Variants in SUCLG2 observed in about 807,000 individuals in gnomAD.
SUCLG2 encodes the protein succinate-CoA ligase GDP-forming subunit beta, also known as succinate--CoA ligase [GDP-forming] subunit beta, mitochondrial.
Under a neutral mutation model 47.9 loss-of-function variants are expected in SUCLG2, and 42 were observed. That is an observed-to-expected ratio of 0.88 (90% CI 0.69 to 1.14). SUCLG2 has a LOEUF of 1.14. SUCLG2 is among the 50% of genes most tolerant of loss of function. The pLI is 0.00. For missense variants in SUCLG2, 571 were observed against 525.9 expected (o/e 1.09, Z -0.84); for synonymous variants, 195 against 197.3 (o/e 0.99, Z 0.10).
intron 9 of SUCLG2, among the ~76,000 whole-genome samples, chr3:67,458,608 C>T (rs1704247333): frequency 6.6e-6 from 1 of 152,068 alleles, no homozygotes; most frequent in African/African-American, 2.4e-5. Flanking sequence ...GTAGCCGGTG[C>T]TTATTGTTTA....
chr3:67,608,625 C>T (rs1229660078), intron 2 of SUCLG2, among the ~76,000 whole-genome samples: 1 of 151,904 alleles, frequency 6.6e-6, no homozygotes, highest in Non-Finnish European at 1.5e-5. Flanking sequence ...TCTGAGGATA[C>T]ACCCTCCCTA....
chr3:67,654,506 G>A lies in SUCLG2; in HGVS notation c.81C>T (p.Ser27=). The A allele has an allele frequency of 8.1e-7, 1 of 1,240,120 alleles. No individual in the cohort carries two copies. The allele number at this position is 1,240,120 out of a possible 1,614,324, so 76.8% of individuals were successfully genotyped here. A position where few individuals can be genotyped will look rare whatever the true frequency, so the allele number is the denominator to read the frequency against. ...ALRPRFLAAG[S]QAVQLTSRRW... Reference sequence around the variant, plus strand: ...CAGCTCCTGCCCCCACGCTCACCTGGGACCCGGCCGCCAGGAAGCGGGGCC... The same window carrying A: ...CAGCTCCTGCCCCCACGCTCACCTGAGACCCGGCCGCCAGGAAGCGGGGCC... Residue 27 remains serine, a synonymous_variant, in exon 1 of 11, where the codon TCC becomes TCT. Transcript: ENST00000307227.
chr3:67,418,498 T>G (rs1300375707), intron 9 of SUCLG2, among the ~76,000 whole-genome samples: 2 of 152,186 alleles, frequency 1.3e-5, no homozygotes, highest in African/African-American at 4.8e-5. Flanking sequence ...ACTAAGCTGT[T>G]CTGGTGAACA....
intron 2 of SUCLG2, among the ~76,000 whole-genome samples, chr3:67,598,785 A>G (rs1202942837): frequency 6.6e-6 from 1 of 152,232 alleles, no homozygotes; most frequent in Non-Finnish European, 1.5e-5. Flanking sequence ...GTTAAGGCCT[A>G]GATCATTCCT....
intron 9 of SUCLG2, among the ~76,000 whole-genome samples, chr3:67,402,138 C>A (rs1702698260): frequency 6.6e-6 from 1 of 152,186 alleles, no homozygotes; most frequent in Non-Finnish European, 1.5e-5. Context: ...AGTTACAGAA[C>A]CTCTCTTGAA....
intron 9 of SUCLG2, among the ~76,000 whole-genome samples, chr3:67,477,761 A>G (rs1006770356): frequency 1.8e-4 from 27 of 152,176 alleles, no homozygotes; most frequent in African/African-American, 6.3e-4. Flanking sequence ...TATGCTCCAT[A>G]CAATTAGGAA....
At chr3:67,610,860 T>C (rs1378672153) in intron 1 of SUCLG2, among the ~76,000 whole-genome samples, 1 of 152,192 alleles carries the variant, frequency 6.6e-6, no homozygotes, top group East Asian at 1.9e-4. Context: ...CTATGATGTA[T>C]TCATGGAGCT....
chr3:67,442,800 A>G (rs1039186868), intron 9 of SUCLG2, among the ~76,000 whole-genome samples: 20 of 152,194 alleles, frequency 1.3e-4, no homozygotes, highest in Admixed American at 1.3e-3. Context: ...AAACATATTT[A>G]TTCACAACTT....
rs1705066572 is a variant in SUCLG2, at chr3:67,486,785, T to C, written c.1062+9013A>G. ...GCAAAAAACATGGCCATAAATAGAC[T>C]GCAAAAGGACACGTTTTACAGTATG... On this transcript the variant is annotated intron_variant, in intron 9 of 10. Transcript: ENST00000307227. 2.6e-5 allele frequency among the ~76,000 whole-genome samples: 4 copies of C among 152,170 alleles called. No homozygotes were observed. In the South Asian group the frequency reaches 8.3e-4, roughly 32 times the overall value.
intron 2 of SUCLG2, among the ~76,000 whole-genome samples, chr3:67,530,310 A>T (rs1706368537): frequency 6.6e-6 from 1 of 152,224 alleles, no homozygotes; most frequent in Non-Finnish European, 1.5e-5. Flanking sequence ...AACACACATG[A>T]ATGCTTTATC....
At chr3:67,550,224 C>A (rs543028282) in intron 2 of SUCLG2, among the ~76,000 whole-genome samples, 58 of 152,352 alleles carry the variant, frequency 3.8e-4, no homozygotes, top group Middle Eastern at 3.4e-3. Flanking sequence ...TACTGCATCT[C>A]AAGTCATTGA....
At chr3:67,425,265 G>A (rs573121827) in intron 9 of SUCLG2, among the ~76,000 whole-genome samples, 1 of 152,148 alleles carries the variant, frequency 6.6e-6, no homozygotes, top group Non-Finnish European at 1.5e-5. Context: ...TCAGTGGACT[G>A]ACCCACACCT....
At chr3:67,532,759 T>C (rs1048704490) in intron 2 of SUCLG2, among the ~76,000 whole-genome samples, 2 of 152,316 alleles carry the variant, frequency 1.3e-5, no homozygotes, top group Admixed American at 1.3e-4. Context: ...AAGAGAACAA[T>C]ATTTAGAGCG....
chr3:67,483,527 T>C (rs1224050024), intron 9 of SUCLG2, among the ~76,000 whole-genome samples: 1 of 152,208 alleles, frequency 6.6e-6, no homozygotes, highest in East Asian at 1.9e-4. Context: ...CCAGCAGATA[T>C]ATTGCATAAT....
At chr3:67,390,499 C>A (rs568181299) in intron 10 of SUCLG2, among the ~76,000 whole-genome samples, 1 of 152,210 alleles carries the variant, frequency 6.6e-6, no homozygotes, top group African/African-American at 2.4e-5. Flanking sequence ...TATTTACTTG[C>A]CTTATCAGAA....
intron 10 of SUCLG2, among the ~76,000 whole-genome samples, chr3:67,384,187 A>G (rs1458331224): frequency 6.6e-6 from 1 of 152,188 alleles, no homozygotes; most frequent in Non-Finnish European, 1.5e-5. Context: ...TTCCTTGGGA[A>G]GAAGTCAGAT....
At chr3:67,641,457 A>T (rs2107369537) in intron 1 of SUCLG2, among the ~76,000 whole-genome samples, 1 of 152,316 alleles carries the variant, frequency 6.6e-6, no homozygotes, top group Non-Finnish European at 1.5e-5. Context: ...GTTGGTGCAA[A>T]GTTACAAATT....
chr3:67,557,270 G>A (rs2772451), intron 2 of SUCLG2, among the ~76,000 whole-genome samples: 32,676 of 152,086 alleles, frequency 0.21, 6,002 homozygotes, highest in East Asian at 0.48. Context: ...TTACATAGAC[G>A]TAACATGGCT....
chr3:67,597,070 G>A (rs541402166), intron 2 of SUCLG2, among the ~76,000 whole-genome samples: 36 of 152,312 alleles, frequency 2.4e-4, no homozygotes, highest in Non-Finnish European at 4.4e-4. Context: ...AGGTGAAGCT[G>A]TCTTTGTCTA....
Sources: allele counts gnomAD v4.1 joint callset (sites outside exome capture counted in the v4.1 genomes callset), GRCh38; gene constraint gnomAD v4.1.1; transcripts MANE v1.5; gene names NCBI Gene and HGNC (gene_info 2026-07-23, HGNC 2026-07-21).